Variants in NR3C1 observed in about 807,000 individuals in gnomAD.
NR3C1 encodes glucocorticoid receptor.
NR3C1 carries 14 observed loss-of-function variants against 74.0 expected under a neutral mutation model. That is an observed-to-expected ratio of 0.19 (90% confidence interval 0.12 to 0.30). The LOEUF (loss-of-function observed/expected upper bound fraction) is 0.30, where lower values mean the gene tolerates loss of function less well. NR3C1 is among the 10% of genes least tolerant of loss of function. The pLI is 1.00. For missense variants in NR3C1, 695 were observed against 909.8 expected (o/e 0.76, Z 3.04); for synonymous variants, 308 against 332.5 (o/e 0.93, Z 0.80).
intron 1 of NR3C1, among the ~76,000 whole-genome samples, chr5:143,424,070 G>GGGGTGT (rs1309688896): frequency 7.3e-6 from 1 of 136,428 alleles, no homozygotes; most frequent in African/African-American, 3.3e-5. Context: ...TGTGGGGTGT[G>GGGGTGT]GGGAGGGGGG....
chr5:143,290,756 G>A lies in NR3C1; in HGVS notation c.2023+4704C>T, dbSNP rs1017282734. Among the ~76,000 whole-genome samples the A allele has an allele frequency of 4.6e-5, 7 of 151,716 alleles. No individual in the cohort carries two copies. In the East Asian group the frequency reaches 1.4e-3, roughly 29 times the overall value. On this transcript the variant is annotated intron_variant, in intron 7 of 8. Transcript: ENST00000394464. ...CTTTTTATAGTTTTAGTAGAGTCGG[G>A]GTTTCGCCATGTTGGTCAGGCTGGT...
intron 2 of NR3C1, among the ~76,000 whole-genome samples, chr5:143,360,148 C>CA (rs1167795722): frequency 2.6e-5 from 4 of 151,860 alleles, no homozygotes; most frequent in South Asian, 2.1e-4. Context: ...ACTTGGTTGT[C>CA]AAAAAAAGCC....
chr5:143,402,837 C>A, intron 1 of NR3C1: 2 of 985,242 alleles, frequency 2.0e-6, no homozygotes, highest in Non-Finnish European at 2.4e-6. Flanking sequence ...GCGTTCACCA[C>A]GAAAACGGGT....
chr5:143,377,442 C>T (rs115819328), intron 2 of NR3C1, among the ~76,000 whole-genome samples: 1 of 152,352 alleles, frequency 6.6e-6, no homozygotes, highest in African/African-American at 2.4e-5. Flanking sequence ...CTGGGCTATA[C>T]CTTCGCCCAC....
intron 2 of NR3C1, among the ~76,000 whole-genome samples, chr5:143,338,258 C>T (rs924995465): frequency 5.3e-5 from 8 of 151,718 alleles, no homozygotes; most frequent in Non-Finnish European, 1.0e-4. Flanking sequence ...ACATAATACT[C>T]GATAATGATA....
intron 2 of NR3C1, among the ~76,000 whole-genome samples, chr5:143,346,946 G>C (rs946814721): frequency 6.6e-6 from 1 of 152,172 alleles, no homozygotes; most frequent in Non-Finnish European, 1.5e-5. Context: ...TGCTACCAAA[G>C]CAGCAACATG....
chr5:143,293,153 A>T (rs977642036), intron 7 of NR3C1, among the ~76,000 whole-genome samples: 4 of 152,204 alleles, frequency 2.6e-5, no homozygotes, highest in African/African-American at 9.6e-5. Flanking sequence ...CAACGAGTGG[A>T]TAAAGAAAAT....
intron 4 of NR3C1, among the ~76,000 whole-genome samples, chr5:143,304,978 T>C (rs542506853): frequency 9.2e-5 from 14 of 152,274 alleles, no homozygotes; most frequent in South Asian, 2.1e-4. Flanking sequence ...CTTCTCGACA[T>C]TGGCCTTGGG....
At chr5:143,402,911 G>A (rs1840603243) in intron 1 of NR3C1, 20 of 889,710 alleles carry the variant, frequency 2.2e-5, no homozygotes, top group Non-Finnish European at 2.7e-5. Flanking sequence ...GGATTCCCGC[G>A]AGGAATGAGA....
At chr5:143,422,383 G>A (rs1349081324) in intron 1 of NR3C1, among the ~76,000 whole-genome samples, 1 of 152,172 alleles carries the variant, frequency 6.6e-6, no homozygotes, top group African/African-American at 2.4e-5. Context: ...GTATGACCTT[G>A]AGAAAATTAT....
At chr5:143,434,176 C>T (rs1752008320) in intron 1 of NR3C1, among the ~76,000 whole-genome samples, 1 of 152,208 alleles carries the variant, frequency 6.6e-6, no homozygotes, top group Non-Finnish European at 1.5e-5. Context: ...CTCCTTATAG[C>T]ACTTTTTACC....
At chr5:143,363,381 A>T (rs1290495178) in intron 2 of NR3C1, among the ~76,000 whole-genome samples, 1 of 152,206 alleles carries the variant, frequency 6.6e-6, no homozygotes, top group Non-Finnish European at 1.5e-5. Context: ...CAACAATTAC[A>T]AGGTATACAA....
chr5:143,405,492 G>A (rs1274275895), upstream of NR3C1, among the ~76,000 whole-genome samples: 1 of 152,174 alleles, frequency 6.6e-6, no homozygotes, highest in African/African-American at 2.4e-5. Flanking sequence ...TCGCGATCGC[G>A]GGTAGCCTAA....
At chr5:143,285,913 A>G (rs897912892) in intron 7 of NR3C1, among the ~76,000 whole-genome samples, 1 of 151,386 alleles carries the variant, frequency 6.6e-6, no homozygotes, top group African/African-American at 2.4e-5. Flanking sequence ...CAAAATCAAG[A>G]CCAAGCTGGT....
At chr5:143,419,667 G>A (rs543568917) in intron 1 of NR3C1, among the ~76,000 whole-genome samples, 4 of 152,142 alleles carry the variant, frequency 2.6e-5, no homozygotes, top group African/African-American at 4.8e-5. Flanking sequence ...CAGAGATCAC[G>A]CGCTTCACAA....
At chr5:143,318,842 A>AG (rs1348214228) in intron 2 of NR3C1, among the ~76,000 whole-genome samples, 4 of 152,326 alleles carry the variant, frequency 2.6e-5, no homozygotes, top group African/African-American at 9.6e-5. Context: ...CACTGACATG[A>AG]GAAAGACCAC....
At chr5:143,423,700 G>A (rs1363896456) in intron 1 of NR3C1, among the ~76,000 whole-genome samples, 1 of 152,088 alleles carries the variant, frequency 6.6e-6, no homozygotes, top group African/African-American at 2.4e-5. Context: ...CCAAGGTATG[G>A]AATCAACCTA....
chr5:143,334,070 A>T (rs896654152), intron 2 of NR3C1, among the ~76,000 whole-genome samples: 5 of 152,134 alleles, frequency 3.3e-5, no homozygotes, highest in African/African-American at 1.2e-4. Context: ...CAAAAACTGG[A>T]AAGGAAGGGT....
At chr5:143,379,161 T>G (rs541993063) in intron 2 of NR3C1, among the ~76,000 whole-genome samples, 3 of 152,328 alleles carry the variant, frequency 2.0e-5, no homozygotes, top group Admixed American at 2.0e-4. Context: ...TTTCTCTTCC[T>G]TTTTAATTCA....
Sources: gnomAD v4.1 joint callset for allele counts (sites outside exome capture counted in the v4.1 genomes callset) on GRCh38, gnomAD v4.1.1 for gene constraint, MANE v1.5 for transcripts, NCBI Gene and HGNC (gene_info 2026-07-23, HGNC 2026-07-21) for gene names.